The following ZNF841 variants were observed in gnomAD, a reference collection of about 807,000 sequenced individuals.
The protein encoded by ZNF841 is TCONS_00006091.
ZNF841 carries 11 observed loss-of-function variants against 13.0 expected under a neutral mutation model. The ratio of observed to expected loss-of-function variants is 0.85; its 90% CI spans 0.53 to 1.40. The LOEUF is 1.40. Ranked by LOEUF, ZNF841 falls within the 40% of genes most tolerant of loss-of-function variation. The pLI is 0.00. For missense variants in ZNF841, 1,068 were observed against 1,139.5 expected, an observed-to-expected ratio of 0.94 and a Z score of 0.90; for synonymous variants, 369 against 381.6, an observed-to-expected ratio of 0.97 and a Z score of 0.38.
downstream of ZNF841, among the ~76,000 whole-genome samples, chr19:52,061,748 G>A (rs866615200): frequency 2.0e-5 from 3 of 152,032 alleles, no homozygotes; most frequent in Non-Finnish European, 2.9e-5. Context: ...GTTTCTCCAT[G>A]TTGGTCAGGC....
At chr19:52,095,446 A>T (rs903508121) in intron 1 of ZNF841, 129 bp downstream of exon 1, 2 of 152,274 alleles carry the variant, frequency 1.3e-5, no homozygotes, top group African/African-American at 4.8e-5. Context: ...GCGGGGCCCA[A>T]GCAGAGGGTT....
chr19:52,079,366 T>C (rs185138568), intron 4 of ZNF841, among the ~76,000 whole-genome samples: 11 of 150,854 alleles, frequency 7.3e-5, no homozygotes, highest in Admixed American at 7.3e-4. Flanking sequence ...ACAATATGTA[T>C]TGCAGCAGTA....
Position 52,065,585 on chromosome 19 carries a change from T to A in ZNF841, c.2297A>T (p.Lys766Ile). The stretch of plus-strand genomic sequence containing the variant: ...GAAGACCTTGCCACATTCATTACAT[T>A]TGTAAGGTTTCTCTCCAGTATGAAT... ...RRIHTGEKPY[K>I]CNECGKVFRY... The change falls in exon 7 of 7, where the codon AAA (lysine) becomes ATA (isoleucine). Residue 766 changes from lysine to isoleucine, a missense_variant. Coordinates refer to ENST00000594440, the MANE Select transcript of ZNF841 (RefSeq NM_001136499.2). 6.2e-7 allele frequency: 1 copy of A among 1,613,814 alleles called. No homozygotes were observed. Among genetic ancestry groups the A allele is most frequent in the Non-Finnish European group, 8.5e-7 (1 of 1,179,848 alleles).
chr19:52,088,496 C>G (rs775099019), intron 3 of ZNF841, among the ~76,000 whole-genome samples: 1 of 152,132 alleles, frequency 6.6e-6, no homozygotes, highest in African/African-American at 2.4e-5. Context: ...CAAATCTATT[C>G]TAAGTTAAAA....
At chr19:52,094,624 C>T (rs1439009372) in intron 1 of ZNF841, among the ~76,000 whole-genome samples, 2 of 152,018 alleles carry the variant, frequency 1.3e-5, no homozygotes, top group African/African-American at 4.8e-5. Flanking sequence ...CTCCTTTGTT[C>T]CCACTCTCTA....
chr19:52,063,303 CT>C (rs928667713), downstream of ZNF841, among the ~76,000 whole-genome samples: 8 of 152,082 alleles, frequency 5.3e-5, no homozygotes, highest in African/African-American at 1.9e-4. Flanking sequence ...ACTGATATGA[CT>C]TTTTTCCTGT....
At chr19:52,086,379 C>G (rs898884927) in intron 3 of ZNF841, among the ~76,000 whole-genome samples, 4 of 152,128 alleles carry the variant, frequency 2.6e-5, no homozygotes, top group African/African-American at 9.7e-5. Context: ...GCGCCTCCCC[C>G]CTCACTCTCT....
chr19:52,066,589 A>T lies in ZNF841; in HGVS notation c.1293T>A (p.Cys431Ter). Residue 431 changes from cysteine (C) to a stop codon, truncating the protein, a stop_gained, in exon 7 of 7, where the codon TGT becomes TGA. Coordinates refer to ENST00000594440, the MANE Select transcript of ZNF841 (RefSeq NM_001136499.2). LOFTEE classifies it low-confidence loss of function (END_TRUNC). The stretch of plus-strand genomic sequence containing the variant: ...GATAAAAGACCTTGCCACATACATC[A>T]CATGTATATGGTTTCTTTCCTGCAT... The part of the protein sequence containing the change: ...IIHAGKKPYT[C>*]DVCGKVFYQN... 6.2e-7 allele frequency: 1 copy of T among 1,613,698 alleles called. No individual in the cohort carries two copies. The highest frequency in any genetic ancestry group is 8.5e-7 in the Non-Finnish European group (1 of 1,179,808).
At chr19:52,088,446 C>A (rs60337065) in intron 3 of ZNF841, among the ~76,000 whole-genome samples, 32,103 of 152,064 alleles carry the variant, frequency 0.21, 4,721 homozygotes, top group African/African-American at 0.41. Flanking sequence ...ATATATGTAA[C>A]TATTAGTCTA....
At chr19:52,076,314 G>T in intron 5 of ZNF841, 142 bp from the exon 6 acceptor site, 2 of 1,009,908 alleles carry the variant, frequency 2.0e-6, no homozygotes, top group Non-Finnish European at 2.8e-6. Context: ...TGAATGCTTA[G>T]TGAACACTGT....
chr19:52,081,146 G>A (rs1318093394), intron 4 of ZNF841, among the ~76,000 whole-genome samples: 5 of 152,074 alleles, frequency 3.3e-5, no homozygotes, highest in Non-Finnish European at 7.4e-5. Flanking sequence ...ATATAAAAAG[G>A]CATAGTATTT....
chr19:52,075,356 C>T (rs908196848), intron 6 of ZNF841, among the ~76,000 whole-genome samples: 1 of 152,164 alleles, frequency 6.6e-6, no homozygotes, highest in East Asian at 1.9e-4. Flanking sequence ...GACAGAGATA[C>T]GCTCCCTGTG....
Position 52,067,595 on chromosome 19 carries a change from C to G in ZNF841, c.287G>C (p.Cys96Ser). Residue 96 changes from cysteine (C) to serine (S), a missense_variant, in exon 7 of 7, where the codon TGT (cysteine) becomes TCT (serine). By Grantham distance (112) the Cys-to-Ser change is moderately radical. Transcript: ENST00000594440. ...TATTGGTGGTAATTCCTTGATCACA[C>G]ATTTAGGAGAGATACCTGCAAAATA... Reference protein sequence around the residue: ...KGVITGISPKCVIKELPPIQN... With the variant: ...KGVITGISPKSVIKELPPIQN... The G allele has an allele frequency of 6.6e-7, 1 of 1,519,694 alleles. No individual in the cohort carries two copies. The highest frequency in any genetic ancestry group is 1.4e-5 in the South Asian group (1 of 73,798). The allele number at this position is 1,519,694 out of a possible 1,614,324, so 94.1% of individuals were successfully genotyped here. A position where few individuals can be genotyped will look rare whatever the true frequency, so the allele number is the denominator to read the frequency against.
chr19:52,080,461 C>T (rs989716628), intron 4 of ZNF841, among the ~76,000 whole-genome samples: 1 of 152,136 alleles, frequency 6.6e-6, no homozygotes, highest in Non-Finnish European at 1.5e-5. Flanking sequence ...AAAAGAAACC[C>T]ACAACTCCCA....
chr19:52,066,545 C>T lies in ZNF841; in HGVS notation c.1337G>A (p.Arg446Lys). ...CTCTCCAGTATGAATTATCTGGTGC[C>T]TTACAAGTTGTGAATTCTGATAAAA... ...KVFYQNSQLV[R>K]HQIIHTGETP... Residue 446 changes from arginine to lysine, a missense_variant, in exon 7 of 7, where the codon AGG becomes AAG. Arg to Lys is a conservative substitution (Grantham distance 26, BLOSUM62 2). Transcript: ENST00000594440. The T allele has an allele frequency of 1.9e-6, 3 of 1,613,220 alleles. No individual in the cohort carries two copies. Among genetic ancestry groups the T allele is most frequent in the Non-Finnish European group, 2.5e-6 (3 of 1,179,696 alleles).
At position 52,066,976 on chromosome 19, in the gene ZNF841, T is replaced by C; in HGVS notation, c.906A>G (p.Ser302=). Residue 302 remains serine, a synonymous_variant, in exon 7 of 7, where the codon TCA becomes TCG. Transcript: ENST00000594440. ...NESGKAFHRG[S]LLTVHQIVHT... Reference sequence around the variant, plus strand: ...GGACTATCTGATGTACTGTTAGTAGTGAGCCCCGATGAAAGGCTTTACCAG... The same window carrying C: ...GGACTATCTGATGTACTGTTAGTAGCGAGCCCCGATGAAAGGCTTTACCAG... 6.2e-7 allele frequency: 1 copy of C among 1,614,182 alleles called. No homozygotes were observed. Among genetic ancestry groups the C allele is most frequent in the Non-Finnish European group, 8.5e-7 (1 of 1,180,016 alleles).
At chr19:52,084,366 C>T (rs2088200644) in intron 4 of ZNF841, among the ~76,000 whole-genome samples, 1 of 152,094 alleles carries the variant, frequency 6.6e-6, no homozygotes, top group Non-Finnish European at 1.5e-5. Flanking sequence ...AAAAGATCTC[C>T]CCTTAGAGGC....
At chr19:52,070,013 G>C (rs920009271) in intron 6 of ZNF841, among the ~76,000 whole-genome samples, 1 of 152,140 alleles carries the variant, frequency 6.6e-6, no homozygotes, top group Admixed American at 6.5e-5. Flanking sequence ...AAAGTCTTTA[G>C]GTAAATTATC....
At chr19:52,072,862 C>A (rs2087779961) in intron 6 of ZNF841, among the ~76,000 whole-genome samples, 1 of 151,978 alleles carries the variant, frequency 6.6e-6, no homozygotes, top group Non-Finnish European at 1.5e-5. Flanking sequence ...TCTTAAACAG[C>A]CAATATGTCA....
Sources: allele counts gnomAD v4.1 joint callset (sites outside exome capture counted in the v4.1 genomes callset), GRCh38; gene constraint gnomAD v4.1.1; transcripts MANE v1.5; gene names NCBI Gene and HGNC (gene_info 2026-07-23, HGNC 2026-07-21).